Variants in GPR132 observed in about 807,000 individuals in gnomAD.
GPR132 encodes probable G protein-coupled receptor 132.
Under a neutral mutation model 1.9 loss-of-function variants are expected in GPR132, and 4 were observed. The observed-to-expected ratio is 2.13, with a 90% CI of 1.05 to 4.87. GPR132 has a LOEUF of 4.87. Ranked by LOEUF, GPR132 falls within the 30% of genes most tolerant of loss-of-function variation. GPR132 has a pLI of 0.01. For missense variants in GPR132, 404 were observed against 512.5 expected, an observed-to-expected ratio of 0.79 and a Z score of 2.04; for synonymous variants, 233 against 234.2, an observed-to-expected ratio of 0.99 and a Z score of 0.05.
intron 3 of GPR132, chr14:105,054,288 A>C: frequency 9.2e-7 from 1 of 1,082,420 alleles, no homozygotes; most frequent in South Asian, 2.1e-5. Flanking sequence ...CGCTGGCCTC[A>C]GGAACCTTCC....
In GPR132 at chr14:105,049,836, A is replaced by G. The variant is rs1886583183; in HGVS notation, c.*1158T>C. 1 of 152,420 alleles carries G rather than the reference A, an allele frequency of 6.6e-6. No homozygotes were observed. Among genetic ancestry groups the G allele is most frequent in the Admixed American group, 6.5e-5 (1 of 15,282 alleles). 9.4% of individuals were successfully genotyped at this position (152,420 alleles called of 1,614,324 possible). On this transcript the variant is annotated 3_prime_UTR_variant, in exon 4 of 4. Coordinates refer to ENST00000329797, the MANE Select transcript of GPR132 (RefSeq NM_013345.4). ...AACAAAACAAAAACAAGGAAGAGCA[A>G]CTGCATAGCTGCCTGACAAAACGAG...
rs576301739 is a variant in GPR132 at position 105,060,656 on chromosome 14, C to A, written c.-860-3376G>T. On this transcript the variant is annotated intron_variant, in intron 1 of 3. Coordinates refer to ENST00000329797, the MANE Select transcript of GPR132 (RefSeq NM_013345.4). This position sits in a 1 kb window ranked among gnomAD's most constrained non-coding sequence, Gnocchi z 6.3. ...CTGAGGCCCCTGGGCCCCATCAGAACGCCTGAGCCGCCCAGGAAGGGGCTC... is the reference window on the plus strand; with the variant it reads ...CTGAGGCCCCTGGGCCCCATCAGAAAGCCTGAGCCGCCCAGGAAGGGGCTC... Among the ~76,000 whole-genome samples the A allele has an allele frequency of 6.6e-6, 1 of 152,206 alleles. No homozygotes were observed. The highest frequency in any genetic ancestry group is 6.5e-5 in the Admixed American group (1 of 15,288).
rs1595138068 is a variant in GPR132 at position 105,056,628 on chromosome 14, T to C, written c.-746-462A>G. 1.3e-5 allele frequency among the ~76,000 whole-genome samples: 2 copies of C among 152,138 alleles called. No homozygotes were observed. Among genetic ancestry groups the C allele is most frequent in the South Asian group, 4.1e-4 (2 of 4,828 alleles). On this transcript the variant is annotated intron_variant, in intron 2 of 3. Transcript: ENST00000329797. The surrounding 1 kb of genome is among the most constrained non-coding windows in gnomAD (Gnocchi z 6.0). ...CAGTCAGGGCCTCGGTGCCCCTCAGTCCCGCACCCCCTGCTCCAGGCCTCA... is the reference window on the plus strand; with the variant it reads ...CAGTCAGGGCCTCGGTGCCCCTCAGCCCCGCACCCCCTGCTCCAGGCCTCA...
Position 105,055,246 on chromosome 14 carries a change from G to T in GPR132, c.34+141C>A. 1 of 731,304 alleles carries T rather than the reference G, an allele frequency of 1.4e-6. No homozygotes were observed. The highest frequency in any genetic ancestry group is 1.5e-5 in the South Asian group (1 of 67,976). 45.3% of individuals were successfully genotyped at this position (731,304 alleles called of 1,614,324 possible). ...GGAGGCTGATGCAGGAGAATCCCTT[G>T]AACCTGGGAGGCAGAAGCTGCAGTG... On this transcript the variant is annotated intron_variant, in intron 3 of 3. Transcript: ENST00000329797. This position sits in a 1 kb window ranked among gnomAD's most constrained non-coding sequence, Gnocchi z 4.7.
chr14:105,052,134 G>C (rs1000080371), intron 3 of GPR132, 32 bp from the exon 4 acceptor site: 1 of 1,516,386 alleles, frequency 6.6e-7, no homozygotes, highest in East Asian at 2.3e-5. Context: ...GAGGACGGGA[G>C]TCCCTGGAAA....
At chr14:105,058,781 G>A (rs949663456) in intron 1 of GPR132, among the ~76,000 whole-genome samples, 5 of 152,238 alleles carry the variant, frequency 3.3e-5, no homozygotes, top group African/African-American at 7.2e-5. Flanking sequence ...GGCGCAAGGC[G>A]CCCAGGGGCC....
Position 105,051,427 on chromosome 14 carries a change from T to G in GPR132, c.710A>C (p.Lys237Thr). ...KQSMGLSAAQ[K>T]AKVKHSAIAV... ...GATGGCCGAGTGCTTCACCTTGGCC[T>G]TCTGGGCAGCGCTTAAGCCCATGCT... Residue 237 changes from lysine (K) to threonine (T), a missense_variant, in exon 4 of 4, where the codon AAG becomes ACG. Coordinates refer to ENST00000329797, the MANE Select transcript of GPR132 (RefSeq NM_013345.4). The surrounding 1 kb of genome is among the most constrained non-coding windows in gnomAD (Gnocchi z 8.0). 6.2e-7 allele frequency: 1 copy of G among 1,614,132 alleles called. No homozygotes were observed.
Position 105,056,035 on chromosome 14 carries a change from G to A in GPR132, c.-615C>T. The A allele has an allele frequency of 8.8e-6, 5 of 565,322 alleles. No homozygotes were observed. The highest frequency in any genetic ancestry group is 1.1e-5 in the Non-Finnish European group (5 of 445,826). The allele number at this position is 565,322 out of a possible 1,614,324, so 35.0% of individuals were successfully genotyped here. A position where few individuals can be genotyped will look rare whatever the true frequency, so the allele number is the denominator to read the frequency against. ...CCGTCTCATCTCGTGGGGTGCCTCC[G>A]CGCTGTTCTCCACGGTGGTGGCGCT... On this transcript the variant is annotated 5_prime_UTR_variant, in exon 3 of 4. Transcript: ENST00000329797. This position sits in a 1 kb window ranked among gnomAD's most constrained non-coding sequence, Gnocchi z 6.0.
intron 3 of GPR132, chr14:105,054,455 A>T: frequency 1.1e-6 from 1 of 939,102 alleles, no homozygotes; most frequent in South Asian, 5.0e-5. Context: ...ACGTAGTCTC[A>T]AAAAACTGTG....
At position 105,049,932 on chromosome 14, in the gene GPR132, C is replaced by A. The variant is rs1250672894; in HGVS notation, c.*1062G>T. 6.6e-6 allele frequency: 1 copy of A among 152,370 alleles called. No individual in the cohort carries two copies. The highest frequency in any genetic ancestry group is 1.5e-5 in the Non-Finnish European group (1 of 68,136). 9.4% of individuals were successfully genotyped at this position (152,370 alleles called of 1,614,324 possible). On this transcript the variant is annotated 3_prime_UTR_variant, in exon 4 of 4. Transcript: ENST00000329797. Reference sequence around the variant, plus strand: ...CTGTGCTGTGCCGGGCACTGGGCTCCCCATGCAGGTGCTGCGTCTGCCCGG... The same window carrying A: ...CTGTGCTGTGCCGGGCACTGGGCTCACCATGCAGGTGCTGCGTCTGCCCGG...
chr14:105,051,735 G>C lies in GPR132; in HGVS notation c.402C>G (p.Cys134Trp). Residue 134 changes from cysteine (C) to tryptophan (W), a missense_variant, in exon 4 of 4, where the codon TGC becomes TGG. Physicochemically the swap from Cys to Trp is radical, Grantham distance 215 (BLOSUM62 -2). Transcript: ENST00000329797. This position sits in a 1 kb window ranked among gnomAD's most constrained non-coding sequence, Gnocchi z 8.0. ...CNIYVSILFL[C>W]CISCDRFVAV... ...CCACGAAGCGGTCGCAGGAGATGCA[G>C]CACAGGAAGAGGATGCTGACGTAGA... 6.2e-7 allele frequency: 1 copy of C among 1,614,190 alleles called. No homozygotes were observed. The highest frequency in any genetic ancestry group is 8.5e-7 in the Non-Finnish European group (1 of 1,180,050).
Position 105,054,760 on chromosome 14 carries a change from C to T in GPR132, c.34+627G>A, listed in dbSNP as rs192618900. Among the ~76,000 whole-genome samples the T allele has an allele frequency of 5.2e-3, 776 of 148,318 alleles. 19 individuals carry two copies. Among genetic ancestry groups the T allele is most frequent in the Admixed American group, 0.049 (737 of 14,910 alleles). On this transcript the variant is annotated intron_variant, in intron 3 of 3. Coordinates refer to ENST00000329797, the MANE Select transcript of GPR132 (RefSeq NM_013345.4). Reference sequence around the variant, plus strand: ...GTTTTTGTGCATTTAAAAAATTCAGCTGGGCGCAGTGGCTCACGCCTGTAA... The same window carrying T: ...GTTTTTGTGCATTTAAAAAATTCAGTTGGGCGCAGTGGCTCACGCCTGTAA...
In GPR132 at chr14:105,052,027, G is replaced by A; in HGVS notation, c.110C>T (p.Ser37Phe). Residue 37 changes from serine (S) to phenylalanine (F), a missense_variant, in exon 4 of 4, where the codon TCC becomes TTC. Coordinates refer to ENST00000329797, the MANE Select transcript of GPR132 (RefSeq NM_013345.4). ...GLSAKTCNNV[S>F]FEESRIVLVV... is the part of the protein sequence containing the mutation. Reference sequence around the variant, plus strand: ...CAGGACTATCCTGCTCTCTTCGAAGGACACGTTGTTGCAGGTCTTGGCGGA... The same window carrying A: ...CAGGACTATCCTGCTCTCTTCGAAGAACACGTTGTTGCAGGTCTTGGCGGA... 6.2e-7 allele frequency: 1 copy of A among 1,609,580 alleles called. No homozygotes were observed. Among genetic ancestry groups the A allele is most frequent in the Non-Finnish European group, 8.5e-7 (1 of 1,179,260 alleles).
chr14:105,055,820 C>T lies in GPR132; in HGVS notation c.-400G>A, dbSNP rs755064588. 31 of 185,816 alleles carry T rather than the reference C, an allele frequency of 1.7e-4. No individual in the cohort carries two copies. Among genetic ancestry groups the T allele is most frequent in the Non-Finnish European group, 3.1e-4 (28 of 90,120 alleles). 11.5% of individuals were successfully genotyped at this position (185,816 alleles called of 1,614,324 possible). A position where few individuals can be genotyped will look rare whatever the true frequency, so the allele number is the denominator to read the frequency against. ...ATCTTGAGCAATCCTGCACGTGTGG[C>T]GTGTGGCGTGTGGCGTGTGGCGTGT... On this transcript the variant is annotated 5_prime_UTR_variant, in exon 3 of 4. Transcript: ENST00000329797. This position sits in a 1 kb window ranked among gnomAD's most constrained non-coding sequence, Gnocchi z 4.7.
chr14:105,063,093 C>G (rs966617418), intron 1 of GPR132, among the ~76,000 whole-genome samples: 5 of 152,036 alleles, frequency 3.3e-5, no homozygotes, highest in African/African-American at 1.2e-4. Context: ...AATTTTTGTA[C>G]TTTTATTCTT....
chr14:105,054,425 TTC>T (rs1184878572), intron 3 of GPR132: 16 of 926,470 alleles, frequency 1.7e-5, no homozygotes, highest in South Asian at 1.6e-4. Flanking sequence ...CTCTTTTTTT[TTC>T]TTTTTTTTTT....
rs745847967 is a variant in GPR132 at position 105,050,870 on chromosome 14, C to T, written c.*124G>A. On this transcript the variant is annotated 3_prime_UTR_variant, in exon 4 of 4. Coordinates refer to ENST00000329797, the MANE Select transcript of GPR132 (RefSeq NM_013345.4). This position sits in a 1 kb window ranked among gnomAD's most constrained non-coding sequence, Gnocchi z 4.0. ...GTCACGGAGGGAGTGGCTTCAGGAACGAGAAATTGGTAGTTTGTCTTCCAG... is the reference window on the plus strand; with the variant it reads ...GTCACGGAGGGAGTGGCTTCAGGAATGAGAAATTGGTAGTTTGTCTTCCAG... 6 of 894,760 alleles carry T rather than the reference C, an allele frequency of 6.7e-6. No individual in the cohort carries two copies. The East Asian group carries it at 7.9e-5, about 12-fold the overall frequency. The allele number at this position is 894,760 out of a possible 1,614,324, so 55.4% of individuals were successfully genotyped here.
chr14:105,052,173 G>T, intron 3 of GPR132, 71 bp from the exon 4 acceptor site: 1 of 1,287,536 alleles, frequency 7.8e-7, no homozygotes, highest in Non-Finnish European at 1.1e-6. Context: ...ACTGTGGGAA[G>T]AAAGGATAGA....
At chr14:105,063,588 G>C (rs1887006777) in intron 1 of GPR132, among the ~76,000 whole-genome samples, 1 of 151,818 alleles carries the variant, frequency 6.6e-6, no homozygotes, top group South Asian at 2.1e-4. Flanking sequence ...TATTGGTCAG[G>C]CTGGTCTTGA....
Sources: gnomAD v4.1 joint callset for allele counts (sites outside exome capture counted in the v4.1 genomes callset) on GRCh38, gnomAD v4.1.1 for gene constraint, Gnocchi (gnomAD v3.1) non-coding constraint, MANE v1.5 for transcripts, NCBI Gene and HGNC (gene_info 2026-07-23, HGNC 2026-07-21) for gene names.